Variants in KAZN observed in about 807,000 individuals in gnomAD.
KAZN encodes kazrin, periplakin interacting protein, also known as kazrin.
In KAZN, 40 loss-of-function variants were observed where a neutral mutation model predicts 87.4. The observed-to-expected ratio is 0.46, with a 90% confidence interval of 0.36 to 0.60. The LOEUF is 0.60. Among genes scored for constraint, KAZN ranks in the 20% least tolerant of loss-of-function variants. The probability of loss-of-function intolerance (pLI) is 0.00; values close to 1 mark genes in which losing one functional copy is unlikely to be tolerated. For missense variants in KAZN, 898 were observed against 1,073.9 expected (o/e 0.84, Z 2.29); for synonymous variants, 466 against 458.3 (o/e 1.02, Z -0.22).
chr1:14,542,399 C>A (rs1672868092), intron 2 of KAZN, among the ~76,000 whole-genome samples: 1 of 151,652 alleles, frequency 6.6e-6, no homozygotes, highest in African/African-American at 2.4e-5. Flanking sequence ...ACATATGTAA[C>A]AAACCTGCAC....
At chr1:14,434,972 G>A (rs1242778184) in intron 2 of KAZN, among the ~76,000 whole-genome samples, 1 of 152,094 alleles carries the variant, frequency 6.6e-6, no homozygotes, top group African/African-American at 2.4e-5. Flanking sequence ...ATCCTGAGAC[G>A]CAGGTGTGTA....
At chr1:14,129,810 C>T (rs147994516) in intron 1 of KAZN, among the ~76,000 whole-genome samples, 24 of 152,266 alleles carry the variant, frequency 1.6e-4, no homozygotes, top group African/African-American at 3.4e-4. Context: ...GTTATATGCA[C>T]GTTCCTATCC....
At chr1:14,623,514 G>A (rs776821553) in intron 1 of KAZN, among the ~76,000 whole-genome samples, 2 of 152,162 alleles carry the variant, frequency 1.3e-5, no homozygotes, top group African/African-American at 2.4e-5. Flanking sequence ...GATGATTATC[G>A]GGTATTGAAC....
At chr1:14,578,916 G>T (rs1208660207) in intron 2 of KAZN, among the ~76,000 whole-genome samples, 3 of 152,078 alleles carry the variant, frequency 2.0e-5, no homozygotes, top group South Asian at 2.1e-4. Context: ...CAGTTTATAA[G>T]AATATAATAT....
intron 1 of KAZN, among the ~76,000 whole-genome samples, chr1:14,827,032 AT>A (rs1426217798): frequency 1.3e-5 from 2 of 152,154 alleles, no homozygotes; most frequent in African/African-American, 4.8e-5. Context: ...GCGGAATCAG[AT>A]GATGTGCGGG....
At position 13,997,001 on chromosome 1, in the gene KAZN, G is replaced by T. The variant is rs530524287; in HGVS notation, c.91+103245G>T. 2.6e-5 allele frequency among the ~76,000 whole-genome samples: 4 copies of T among 152,330 alleles called. No homozygotes were observed. In the East Asian group the frequency reaches 7.7e-4, roughly 29 times the overall value. ...GAGGTCAGAGATCCCAGAAAAAGGAGCAGGCACCTGCCTTTGCTGTTCTCC... is the reference window on the plus strand; with the variant it reads ...GAGGTCAGAGATCCCAGAAAAAGGATCAGGCACCTGCCTTTGCTGTTCTCC... On this transcript the variant is annotated intron_variant, in intron 1 of 16. Coordinates refer to the KAZN transcript ENST00000636203.
At chr1:14,926,552 A>C (rs1659190777) in intron 1 of KAZN, among the ~76,000 whole-genome samples, 1 of 152,148 alleles carries the variant, frequency 6.6e-6, no homozygotes, top group African/African-American at 2.4e-5. Context: ...AGTTTTCTCT[A>C]CCCTACTGCC....
chr1:14,387,528 A>G (rs1264389224), intron 2 of KAZN, among the ~76,000 whole-genome samples: 1 of 152,142 alleles, frequency 6.6e-6, no homozygotes, highest in South Asian at 2.1e-4. Context: ...TTTTCCTTCT[A>G]ACAGACAGGA....
intron 2 of KAZN, among the ~76,000 whole-genome samples, chr1:14,374,355 G>A (rs957390588): frequency 1.3e-5 from 2 of 152,108 alleles, no homozygotes; most frequent in East Asian, 1.9e-4. Flanking sequence ...CTGAATGAAC[G>A]AATGTTTGGG....
intron 1 of KAZN, among the ~76,000 whole-genome samples, chr1:13,913,904 G>T (rs1639743751): frequency 6.6e-6 from 1 of 152,162 alleles, no homozygotes; most frequent in South Asian, 2.1e-4. Flanking sequence ...CTAGTGCAGT[G>T]GTTCTTGAAC....
chr1:14,613,059 C>A (rs1677946728), intron 1 of KAZN, among the ~76,000 whole-genome samples: 3 of 152,132 alleles, frequency 2.0e-5, no homozygotes, highest in Admixed American at 2.0e-4. Context: ...TTCTATGTTG[C>A]TTAGAAGCCT....
In KAZN at chr1:14,996,074, C is replaced by T. The variant is rs1238010093; in HGVS notation, c.418+35199C>T. ...CCTCTGTAGCCCCCAGCCCCTTCTGCCTCTGGAGAGGGTCCATACCCTGCA... is the reference window on the plus strand; with the variant it reads ...CCTCTGTAGCCCCCAGCCCCTTCTGTCTCTGGAGAGGGTCCATACCCTGCA... On this transcript the variant is annotated intron_variant, in intron 2 of 14. Coordinates refer to ENST00000376030, the MANE Select transcript of KAZN (RefSeq NM_201628.3). This position sits in a 1 kb window ranked among gnomAD's most constrained non-coding sequence, Gnocchi z 5.9. Among the ~76,000 whole-genome samples the T allele has an allele frequency of 6.6e-6, 1 of 152,152 alleles. No homozygotes were observed. The highest frequency in any genetic ancestry group is 1.5e-5 in the Non-Finnish European group (1 of 68,024).
intron 1 of KAZN, among the ~76,000 whole-genome samples, chr1:13,906,063 G>A (rs542225879): frequency 4.2e-4 from 64 of 152,064 alleles, no homozygotes; most frequent in African/African-American, 1.4e-3. Context: ...GAGCCCACTC[G>A]GATAATCCAG....
At chr1:14,790,384 G>A (rs897043983) in intron 1 of KAZN, among the ~76,000 whole-genome samples, 5 of 151,832 alleles carry the variant, frequency 3.3e-5, no homozygotes, top group Admixed American at 2.6e-4. Context: ...TTCTTATTTT[G>A]CAATATAATA....
intron 1 of KAZN, among the ~76,000 whole-genome samples, chr1:14,909,891 A>AAGT (rs2101373501): frequency 6.6e-6 from 1 of 152,220 alleles, no homozygotes; most frequent in Non-Finnish European, 1.5e-5. Flanking sequence ...CATCTCTACT[A>AAGT]AAAGTACAAA....
chr1:14,461,377 G>T (rs1427750349), intron 2 of KAZN, among the ~76,000 whole-genome samples: 2 of 152,124 alleles, frequency 1.3e-5, no homozygotes, highest in African/African-American at 4.8e-5. Context: ...AGTCTCACGA[G>T]ATCTGATGCT....
chr1:14,547,669 G>A (rs189718410), intron 2 of KAZN, among the ~76,000 whole-genome samples: 15 of 152,176 alleles, frequency 9.9e-5, no homozygotes, highest in Admixed American at 4.6e-4. Flanking sequence ...TGCAAGCTCC[G>A]CATCCCGGGT....
chr1:14,827,276 A>T (rs1197487910), intron 1 of KAZN, among the ~76,000 whole-genome samples: 1 of 151,960 alleles, frequency 6.6e-6, no homozygotes, highest in Non-Finnish European at 1.5e-5. Context: ...AACTTTCCGT[A>T]AGTGTTTGGG....
At chr1:14,315,448 A>G (rs1655589598) in intron 2 of KAZN, among the ~76,000 whole-genome samples, 1 of 152,126 alleles carries the variant, frequency 6.6e-6, no homozygotes, top group African/African-American at 2.4e-5. Context: ...ATACAATTTG[A>G]TGAGTTTTGA....
Sources: gnomAD v4.1 joint callset for allele counts (sites outside exome capture counted in the v4.1 genomes callset) on GRCh38, gnomAD v4.1.1 for gene constraint, Gnocchi (gnomAD v3.1) non-coding constraint, MANE v1.5 for transcripts, NCBI Gene and HGNC (gene_info 2026-07-23, HGNC 2026-07-21) for gene names.